KCNT1: variants seen among roughly 807,000 people sequenced by gnomAD.
KCNT1 encodes potassium sodium-activated channel subfamily T member 1, also known as potassium channel subfamily T member 1.
In KCNT1, 78 loss-of-function variants were observed where a neutral mutation model predicts 147.8. That is an observed-to-expected ratio of 0.53 (90% CI 0.44 to 0.64). KCNT1 has a LOEUF of 0.64. Ranked by LOEUF, KCNT1 falls within the 30% of genes least tolerant of loss-of-function variation. The pLI, the probability that KCNT1 is intolerant of heterozygous loss-of-function variation, is 0.00. For synonymous variants in KCNT1, 867 were observed against 748.8 expected (o/e 1.16, Z -2.58); for missense variants, 1,419 against 1,750.3 (o/e 0.81, Z 3.38).
intron 4 of KCNT1, 23 bp downstream of exon 4, chr9:135,751,064 C>T (rs369123496): frequency 8.0e-5 from 127 of 1,597,218 alleles, no homozygotes; most frequent in South Asian, 5.9e-4. Flanking sequence ...CGCGGCCGGG[C>T]GCGGGGTCCC....
intron 4 of KCNT1, 177 bp from the exon 5 acceptor site, chr9:135,753,760 T>C: frequency 1.6e-6 from 1 of 643,134 alleles, no homozygotes; most frequent in Admixed American, 2.3e-5. Context: ...CCGCAGTAGG[T>C]GGGGAGGGGG....
At position 135,795,293 on chromosome 9, in the gene KCNT1, A is replaced by AAAAT. The variant is rs1834738617; in HGVS notation, c.*3134_*3135insATAA. 6.8e-6 allele frequency: 1 copy of AAAAT among 148,038 alleles called. No individual in the cohort carries two copies. The highest frequency in any genetic ancestry group is 2.5e-5 in the African/African-American group (1 of 40,404). 9.2% of individuals were successfully genotyped at this position (148,038 alleles called of 1,614,324 possible). A position where few individuals can be genotyped will look rare whatever the true frequency, so the allele number is the denominator to read the frequency against. On this transcript the variant is annotated 3_prime_UTR_variant, in exon 31 of 31. Transcript: ENST00000371757. The stretch of plus-strand genomic sequence containing the variant: ...ACTGTATCAAAAAGTACAAAAAAAA[A>AAAAT]AATAGCTAGACGTGGTGGCATGTGC...
At chr9:135,775,491 C>T in intron 20 of KCNT1, 76 bp downstream of exon 20, 1 of 1,081,008 alleles carries the variant, frequency 9.3e-7, no homozygotes, top group Non-Finnish European at 1.3e-6. Flanking sequence ...CCTGGTTTCT[C>T]TTTGGTCACT....
In KCNT1 at chr9:135,734,003, C is replaced by T. The variant is rs143947360; in HGVS notation, c.255-16095C>T. Among the ~76,000 whole-genome samples the T allele has an allele frequency of 4.7e-4, 71 of 151,934 alleles. 1 individual carries two copies. Among genetic ancestry groups the T allele is most frequent in the Admixed American group, 1.4e-3 (22 of 15,280 alleles). ...TAGCCAGTGCCACCTTCAAAACACA[C>T]CTTGGATCCACCTGGTCCCCTGTCC... On this transcript the variant is annotated intron_variant, in intron 2 of 30. Transcript: ENST00000371757.
At chr9:135,743,727 C>T (rs546807974) in intron 2 of KCNT1, among the ~76,000 whole-genome samples, 29 of 152,354 alleles carry the variant, frequency 1.9e-4, no homozygotes, top group African/African-American at 7.0e-4. Context: ...CGCCGTGGCA[C>T]GGTCTGGACA....
At position 135,714,728 on chromosome 9, in the gene KCNT1, C is replaced by A; in HGVS notation, c.254+8C>A. Reference sequence around the variant, plus strand: ...CTTCCAGAACGACGACAGGTAGGGACCGGGCGCGGGGTGGGGGCTGGGGTC... The same window carrying A: ...CTTCCAGAACGACGACAGGTAGGGAACGGGCGCGGGGTGGGGGCTGGGGTC... On this transcript the variant is annotated splice_region_variant and intron_variant, in intron 2 of 30. Coordinates refer to ENST00000371757, the MANE Select transcript of KCNT1 (RefSeq NM_020822.3). This position sits in a 1 kb window ranked among gnomAD's most constrained non-coding sequence, Gnocchi z 6.2. 7.3e-7 allele frequency: 1 copy of A among 1,374,264 alleles called. No individual in the cohort carries two copies. The highest frequency in any genetic ancestry group is 9.5e-7 in the Non-Finnish European group (1 of 1,051,364). 85.1% of individuals were successfully genotyped at this position (1,374,264 alleles called of 1,614,324 possible).
chr9:135,717,242 G>C (rs967942943), intron 2 of KCNT1, among the ~76,000 whole-genome samples: 2 of 151,178 alleles, frequency 1.3e-5, no homozygotes, highest in Non-Finnish European at 3.0e-5. Flanking sequence ...AGGATGAGAG[G>C]GAAGGGGACC....
chr9:135,785,605 C>T (rs1441808093), intron 28 of KCNT1: 3 of 598,068 alleles, frequency 5.0e-6, no homozygotes, highest in African/African-American at 1.9e-5. Flanking sequence ...CCTCCCAGGC[C>T]CCACCAAGGC....
chr9:135,713,631 C>T (rs989988434), intron 1 of KCNT1, among the ~76,000 whole-genome samples: 3 of 152,180 alleles, frequency 2.0e-5, no homozygotes, highest in South Asian at 4.1e-4. Context: ...TGCCCCTGCC[C>T]GTGGGGGAGC....
chr9:135,775,269 C>G, intron 19 of KCNT1, 41 bp from the exon 20 acceptor site: 3 of 1,506,196 alleles, frequency 2.0e-6, no homozygotes, highest in Non-Finnish European at 2.7e-6. Flanking sequence ...ACCCAGCCAC[C>G]TCTGTGCAGC....
At chr9:135,782,950 G>A (rs1345887657) in intron 24 of KCNT1, among the ~76,000 whole-genome samples, 5 of 152,212 alleles carry the variant, frequency 3.3e-5, no homozygotes, top group South Asian at 2.1e-4. Flanking sequence ...GGGCGAACCC[G>A]GAGGAAAAGG....
chr9:135,788,067 TTC>T, intron 29 of KCNT1: 2 of 1,524,020 alleles, frequency 1.3e-6, no homozygotes, highest in Non-Finnish European at 1.8e-6. Flanking sequence ...CTCTCTCTCT[TTC>T]TGTCTGTGCC....
chr9:135,710,816 G>A (rs1349037217), intron 1 of KCNT1, among the ~76,000 whole-genome samples: 2 of 152,172 alleles, frequency 1.3e-5, no homozygotes, highest in Non-Finnish European at 1.5e-5. Flanking sequence ...CTCTTGATTG[G>A]CGGCGATTCC....
intron 2 of KCNT1, among the ~76,000 whole-genome samples, chr9:135,718,682 C>T (rs1355177966): frequency 2.6e-5 from 4 of 152,206 alleles, no homozygotes; most frequent in African/African-American, 9.7e-5. Flanking sequence ...TCACGCCCTC[C>T]CTATTTCTAC....
intron 12 of KCNT1, among the ~76,000 whole-genome samples, 164 bp from the exon 13 acceptor site, chr9:135,765,460 T>C (rs1407668913): frequency 1.3e-5 from 2 of 152,114 alleles, no homozygotes; most frequent in Non-Finnish European, 2.9e-5. Flanking sequence ...CACAGTCAGG[T>C]GGAGGGGCCC....
chr9:135,771,139 TGGCGGGAGACCA>T (rs758920332), intron 18 of KCNT1, 44 bp downstream of exon 18: 1 of 1,548,812 alleles, frequency 6.5e-7, no homozygotes, highest in East Asian at 2.3e-5. Flanking sequence ...CCTGCTCCTT[TGGCGGGAGACCA>T]GGCGGGACAC....
intron 1 of KCNT1, among the ~76,000 whole-genome samples, chr9:135,704,159 C>T (rs1835153275): frequency 6.6e-6 from 1 of 152,226 alleles, no homozygotes; most frequent in South Asian, 2.1e-4. Context: ...CACCAGCTCT[C>T]ACATGGGGAG....
intron 2 of KCNT1, chr9:135,736,627 C>A (rs1254308596): frequency 1.2e-5 from 2 of 168,082 alleles, no homozygotes; most frequent in South Asian, 1.7e-4. Context: ...CGAGCGCTCC[C>A]GCAGGATGGC....
intron 5 of KCNT1, among the ~76,000 whole-genome samples, chr9:135,754,847 C>T (rs1336287145): frequency 6.6e-6 from 1 of 152,210 alleles, no homozygotes; most frequent in Non-Finnish European, 1.5e-5. Context: ...GGCCAAGGCT[C>T]CATGGAGACT....
Sources: allele counts gnomAD v4.1 joint callset (sites outside exome capture counted in the v4.1 genomes callset), GRCh38; gene constraint gnomAD v4.1.1; non-coding constraint Gnocchi (gnomAD v3.1); transcripts MANE v1.5; gene names NCBI Gene and HGNC (gene_info 2026-07-23, HGNC 2026-07-21).